CRTAC1: variants seen among roughly 807,000 people sequenced by gnomAD.
CRTAC1 encodes the protein acidic secreted protein in cartilage.
A neutral mutation model predicts 67.8 loss-of-function variants in CRTAC1; 37 were observed. The ratio of observed to expected loss-of-function variants is 0.55; its 90% CI spans 0.42 to 0.72. CRTAC1 has a LOEUF of 0.72. Among genes scored for constraint, CRTAC1 ranks in the 30% least tolerant of loss-of-function variants. CRTAC1 has a pLI of 0.00. For missense variants in CRTAC1, 780 were observed against 931.6 expected, an observed-to-expected ratio of 0.84 and a Z score of 2.12; for synonymous variants, 348 against 371.0, an observed-to-expected ratio of 0.94 and a Z score of 0.71.
At chr10:98,017,653 C>A (rs1454790153) in intron 1 of CRTAC1, among the ~76,000 whole-genome samples, 1 of 151,880 alleles carries the variant, frequency 6.6e-6, no homozygotes, top group Non-Finnish European at 1.5e-5. Context: ...CTCACCTCAG[C>A]CTCTCAAGTA....
At position 98,029,491 on chromosome 10, in the gene CRTAC1, AGCGGCGGCGGCGGCGGCGGCG is replaced by A. The variant is rs71007374; in HGVS notation, c.24+937_24+957del. 1.6e-4 allele frequency among the ~76,000 whole-genome samples: 23 copies of A among 140,364 alleles called. No homozygotes were observed. The highest frequency in any genetic ancestry group is 4.1e-4 in the East Asian group (2 of 4,870). 92.1% of individuals were successfully genotyped at this position (140,364 alleles called of 152,430 possible). ...ACTGGGTGCACCCACCAGCAGCAGC[AGCGGCGGCGGCGGCGGCGGCG>A]GCGGCGGCGGCGGCGGCAGCAGCAG... On this transcript the variant is annotated intron_variant, in intron 1 of 14. Coordinates refer to ENST00000370597, the MANE Select transcript of CRTAC1 (RefSeq NM_018058.7). This position sits in a 1 kb window ranked among gnomAD's most constrained non-coding sequence, Gnocchi z 4.7.
In CRTAC1 at chr10:97,865,142, A is replaced by C. The variant is rs2050005088; in HGVS notation, c.*406T>G. 1 of 164,844 alleles carries C rather than the reference A, an allele frequency of 6.1e-6. No individual in the cohort carries two copies. The highest frequency in any genetic ancestry group is 2.4e-5 in the African/African-American group (1 of 42,072). The allele number at this position is 164,844 out of a possible 1,614,324, so 10.2% of individuals were successfully genotyped here. On this transcript the variant is annotated 3_prime_UTR_variant, in exon 15 of 15. Transcript: ENST00000370597. ...ATTCTATTCTTAATCCCCATTTTGCAGATGCGATAATGGATGGCTAACAAG... is the reference window on the plus strand; with the variant it reads ...ATTCTATTCTTAATCCCCATTTTGCCGATGCGATAATGGATGGCTAACAAG...
intron 2 of CRTAC1, among the ~76,000 whole-genome samples, chr10:97,985,545 A>G (rs1278433570): frequency 1.3e-5 from 2 of 152,110 alleles, no homozygotes; most frequent in Non-Finnish European, 2.9e-5. Context: ...TATGCCTGCT[A>G]CAGCCACCTC....
At chr10:97,965,626 A>G (rs1183500278) in intron 2 of CRTAC1, among the ~76,000 whole-genome samples, 1 of 149,888 alleles carries the variant, frequency 6.7e-6, no homozygotes. Flanking sequence ...TTTTTTTTTT[A>G]AACTGGATAG....
chr10:97,999,055 C>T (rs1274690577), intron 2 of CRTAC1, among the ~76,000 whole-genome samples: 1 of 152,212 alleles, frequency 6.6e-6, no homozygotes, highest in Non-Finnish European at 1.5e-5. Context: ...CTGGAGTGGC[C>T]ACTGCCATCA....
intron 2 of CRTAC1, among the ~76,000 whole-genome samples, chr10:98,004,938 A>G (rs976430202): frequency 8.0e-5 from 12 of 150,782 alleles, no homozygotes; most frequent in Admixed American, 2.0e-4. Flanking sequence ...TAAACAGCAA[A>G]CCGGAAACAG....
At chr10:97,963,337 T>G (rs1386198298) in intron 2 of CRTAC1, among the ~76,000 whole-genome samples, 1 of 152,206 alleles carries the variant, frequency 6.6e-6, no homozygotes, top group East Asian at 1.9e-4. Flanking sequence ...AAAATTCACA[T>G]TTCTTGGGCC....
chr10:97,871,715 C>T (rs1182785983), intron 14 of CRTAC1: 2 of 152,268 alleles, frequency 1.3e-5, no homozygotes, highest in African/African-American at 4.8e-5. Context: ...ACCTAAGTCT[C>T]TGACTCCAGA....
intron 1 of CRTAC1, among the ~76,000 whole-genome samples, chr10:98,023,280 G>A (rs1590302393): frequency 6.6e-6 from 1 of 152,204 alleles, no homozygotes. Flanking sequence ...GACCTTTGGA[G>A]GTTTACATAG....
intron 2 of CRTAC1, among the ~76,000 whole-genome samples, chr10:97,972,236 G>A (rs972422202): frequency 6.6e-6 from 1 of 152,250 alleles, no homozygotes; most frequent in Non-Finnish European, 1.5e-5. Context: ...AGTACCATGA[G>A]TCAGGAGGGC....
intron 2 of CRTAC1, among the ~76,000 whole-genome samples, chr10:97,952,128 A>G (rs1348724861): frequency 3.3e-5 from 5 of 152,090 alleles, no homozygotes; most frequent in African/African-American, 7.2e-5. Context: ...CGAGGCGGGC[A>G]GATCACAAGG....
chr10:97,980,017 T>C (rs183008104), intron 2 of CRTAC1, among the ~76,000 whole-genome samples: 1 of 152,334 alleles, frequency 6.6e-6, no homozygotes, highest in East Asian at 1.9e-4. Context: ...TTAACCAAGC[T>C]TGGGACACAC....
chr10:97,989,710 T>C (rs1842399897), intron 2 of CRTAC1, among the ~76,000 whole-genome samples: 1 of 152,248 alleles, frequency 6.6e-6, no homozygotes, highest in South Asian at 2.1e-4. Flanking sequence ...CATAGTGCTA[T>C]GAAGTAGGCT....
At chr10:97,925,486 G>C (rs1320456965) in intron 3 of CRTAC1, among the ~76,000 whole-genome samples, 3 of 151,600 alleles carry the variant, frequency 2.0e-5, no homozygotes, top group Non-Finnish European at 4.4e-5. Flanking sequence ...TGAGAGAGTG[G>C]GCATGAGTGA....
At position 97,880,271 on chromosome 10, in the gene CRTAC1, G is replaced by A. The variant is rs372101559; in HGVS notation, c.1797C>T (p.Asn599=). Residue 599 remains asparagine, a synonymous_variant, in exon 14 of 15, where the codon AAC becomes AAT. Coordinates refer to ENST00000370597, the MANE Select transcript of CRTAC1 (RefSeq NM_018058.7). ...CACCCACGCAGGCTGTGCCATCCTC[G>A]TTGGGCTCGTAGCCCCGACTGCACT... ...NKKCSRGYEP[N]EDGTACVGTL... 77 of 1,614,066 alleles carry A rather than the reference G, an allele frequency of 4.8e-5. No homozygotes were observed. Among genetic ancestry groups the A allele is most frequent in the South Asian group, 8.8e-5 (8 of 91,088 alleles).
chr10:97,901,015 G>A (rs2050531014), intron 8 of CRTAC1, among the ~76,000 whole-genome samples: 1 of 138,562 alleles, frequency 7.2e-6, no homozygotes. Flanking sequence ...GGTAGTGATT[G>A]GAGCCCGTAG....
At chr10:97,887,741 C>T (rs1335723293) in intron 11 of CRTAC1, among the ~76,000 whole-genome samples, 1 of 152,206 alleles carries the variant, frequency 6.6e-6, no homozygotes, top group East Asian at 1.9e-4. Flanking sequence ...TGGCCAACAG[C>T]CTTACCACTC....
chr10:98,029,256 C>T lies in CRTAC1; in HGVS notation c.24+1193G>A, dbSNP rs566158757. ...CCAAGTCGTCTGGGTTCCAAATCTC[C>T]GTCAATCGCTTATCTCTTCCCACAT... On this transcript the variant is annotated intron_variant, in intron 1 of 14. Coordinates refer to ENST00000370597, the MANE Select transcript of CRTAC1 (RefSeq NM_018058.7). The surrounding 1 kb of genome is among the most constrained non-coding windows in gnomAD (Gnocchi z 4.7). Among the ~76,000 whole-genome samples, 94 of 152,252 alleles carry T rather than the reference C, an allele frequency of 6.2e-4. No homozygotes were observed. Among genetic ancestry groups the T allele is most frequent in the Non-Finnish European group, 1.0e-3 (69 of 68,028 alleles).
intron 2 of CRTAC1, among the ~76,000 whole-genome samples, chr10:97,952,904 C>T (rs914882281): frequency 6.6e-6 from 1 of 152,174 alleles, no homozygotes; most frequent in Admixed American, 6.5e-5. Context: ...ATTCTCCCTT[C>T]CACATCTGTG....
Sources: gnomAD v4.1 joint callset for allele counts (sites outside exome capture counted in the v4.1 genomes callset) on GRCh38, gnomAD v4.1.1 for gene constraint, Gnocchi (gnomAD v3.1) non-coding constraint, MANE v1.5 for transcripts, NCBI Gene and HGNC (gene_info 2026-07-23, HGNC 2026-07-21) for gene names.